Variants in HHAT observed in about 807,000 individuals in gnomAD.
The protein encoded by HHAT is hedgehog acyltransferase.
Under a neutral mutation model 70.8 loss-of-function variants are expected in HHAT, and 47 were observed. The ratio of observed to expected loss-of-function variants is 0.66; its 90% CI spans 0.53 to 0.85. HHAT has a LOEUF of 0.85. HHAT is among the 40% of genes least tolerant of loss of function. The pLI, the probability that HHAT is intolerant of heterozygous loss-of-function variation, is 0.00. For missense variants in HHAT, 609 were observed against 604.8 expected (o/e 1.01, Z -0.07); for synonymous variants, 228 against 247.6 (o/e 0.92, Z 0.74).
intron 9 of HHAT, among the ~76,000 whole-genome samples, chr1:210,523,498 G>A (rs976320240): frequency 6.6e-6 from 1 of 152,178 alleles, no homozygotes; most frequent in African/African-American, 2.4e-5. Flanking sequence ...TGGGGATTGG[G>A]CTAAGTGGAT....
At chr1:210,527,703 C>A (rs11119527) in intron 9 of HHAT, among the ~76,000 whole-genome samples, 9,522 of 152,274 alleles carry the variant, frequency 0.063, 527 homozygotes, top group East Asian at 0.29. Flanking sequence ...CTGCAATTTC[C>A]TTTGAGCACG....
chr1:210,452,330 TG>T (rs1459745531), intron 7 of HHAT, among the ~76,000 whole-genome samples: 2 of 152,196 alleles, frequency 1.3e-5, no homozygotes, highest in Non-Finnish European at 2.9e-5. Flanking sequence ...CAATTGGTAG[TG>T]AGGAGGAAGT....
At chr1:210,475,072 A>G (rs2094283212) in intron 8 of HHAT, among the ~76,000 whole-genome samples, 1 of 151,296 alleles carries the variant, frequency 6.6e-6, no homozygotes, top group South Asian at 2.1e-4. Flanking sequence ...TGCTGCCCAC[A>G]CTGGTCTCGA....
intron 3 of HHAT, among the ~76,000 whole-genome samples, chr1:210,376,536 C>T (rs966250737): frequency 6.6e-6 from 1 of 152,174 alleles, no homozygotes; most frequent in South Asian, 2.1e-4. Flanking sequence ...AAATAGATTT[C>T]TGAAGAAAGA....
intron 1 of HHAT, among the ~76,000 whole-genome samples, chr1:210,334,873 A>G (rs569217659): frequency 6.6e-6 from 1 of 152,246 alleles, no homozygotes; most frequent in South Asian, 2.1e-4. Context: ...CCAATAAAAT[A>G]TATTACCAAA....
intron 11 of HHAT, among the ~76,000 whole-genome samples, chr1:210,670,587 G>A (rs1169064332): frequency 6.6e-6 from 1 of 152,128 alleles, no homozygotes; most frequent in Non-Finnish European, 1.5e-5. Flanking sequence ...ACCTCAGCAT[G>A]TGACTTCATT....
Position 210,471,282 on chromosome 1 carries a change from A to G in HHAT, c.1007+6627A>G, listed in dbSNP as rs538719872. On this transcript the variant is annotated intron_variant, in intron 8 of 11. Coordinates refer to ENST00000261458, the MANE Select transcript of HHAT (RefSeq NM_018194.6). ...AAGTATTAATACGTGACATGCCAACATATCACATCTGCCGCAATTTATTTG... is the reference window on the plus strand; with the variant it reads ...AAGTATTAATACGTGACATGCCAACGTATCACATCTGCCGCAATTTATTTG... Among the ~76,000 whole-genome samples the G allele has an allele frequency of 5.3e-5, 8 of 152,262 alleles. No individual in the cohort carries two copies. The South Asian group carries it at 6.2e-4, about 12-fold the overall frequency.
At chr1:210,545,629 G>A (rs141064527) in intron 9 of HHAT, among the ~76,000 whole-genome samples, 10 of 151,902 alleles carry the variant, frequency 6.6e-5, no homozygotes, top group Admixed American at 6.6e-4. Context: ...TAGAGATGGG[G>A]TTTCACCACA....
chr1:210,488,837 G>A (rs2148506899), intron 8 of HHAT, among the ~76,000 whole-genome samples: 1 of 152,302 alleles, frequency 6.6e-6, no homozygotes, highest in Admixed American at 6.5e-5. Flanking sequence ...AGATCGCAGT[G>A]AGCCAACTGT....
chr1:210,498,126 G>A (rs923785017), intron 8 of HHAT, among the ~76,000 whole-genome samples: 7 of 151,928 alleles, frequency 4.6e-5, no homozygotes, highest in Admixed American at 2.0e-4. Flanking sequence ...GTCCATCCCT[G>A]TACCTGACAG....
intron 1 of HHAT, 163 bp downstream of exon 1, chr1:210,329,267 G>A: frequency 8.3e-7 from 1 of 1,201,200 alleles, no homozygotes; most frequent in Non-Finnish European, 1.0e-6. Context: ...CCGGTCGGGC[G>A]AAGAAGACAA....
intron 10 of HHAT, among the ~76,000 whole-genome samples, chr1:210,593,141 C>A (rs988316694): frequency 1.3e-5 from 2 of 152,066 alleles, no homozygotes; most frequent in Non-Finnish European, 2.9e-5. Flanking sequence ...TTGGAAAAAA[C>A]CAACTTTTCA....
intron 11 of HHAT, among the ~76,000 whole-genome samples, chr1:210,638,548 G>A (rs957000621): frequency 1.3e-5 from 2 of 152,050 alleles, no homozygotes; most frequent in Admixed American, 6.5e-5. Context: ...ATAGCTAATG[G>A]GCATGGGTTT....
At chr1:210,542,487 T>TAAAAAAA (rs760515327) in intron 9 of HHAT, among the ~76,000 whole-genome samples, 1 of 148,754 alleles carries the variant, frequency 6.7e-6, no homozygotes, top group Non-Finnish European at 1.5e-5. Context: ...GTGTTTTAGT[T>TAAAAAAA]AAAAAAAAAA....
At chr1:210,658,275 C>A (rs1166755780) in intron 11 of HHAT, among the ~76,000 whole-genome samples, 1 of 152,166 alleles carries the variant, frequency 6.6e-6, no homozygotes, top group African/African-American at 2.4e-5. Flanking sequence ...CCTTTTCCTC[C>A]CAGCATCTAC....
At chr1:210,365,103 A>T (rs1479815619) in intron 3 of HHAT, among the ~76,000 whole-genome samples, 2 of 152,104 alleles carry the variant, frequency 1.3e-5, no homozygotes, top group African/African-American at 4.8e-5. Flanking sequence ...GGTCCTTAGG[A>T]TCAAGATACT....
intron 7 of HHAT, among the ~76,000 whole-genome samples, chr1:210,452,526 C>T (rs1304827847): frequency 6.6e-6 from 1 of 152,172 alleles, no homozygotes; most frequent in Non-Finnish European, 1.5e-5. Flanking sequence ...GAAGCAAATC[C>T]CAGATATCTT....
chr1:210,545,409 C>T (rs988385398), intron 9 of HHAT, among the ~76,000 whole-genome samples: 2 of 150,422 alleles, frequency 1.3e-5, no homozygotes, highest in Non-Finnish European at 3.0e-5. Flanking sequence ...CTTCACAACT[C>T]AATTTAGTCA....
At chr1:210,415,348 A>G (rs759596560) in intron 6 of HHAT, among the ~76,000 whole-genome samples, 1 of 152,206 alleles carries the variant, frequency 6.6e-6, no homozygotes, top group Non-Finnish European at 1.5e-5. Flanking sequence ...CTCTCAGAGC[A>G]TGCATGCTTG....
Sources: gnomAD v4.1 joint callset for allele counts (sites outside exome capture counted in the v4.1 genomes callset) on GRCh38, gnomAD v4.1.1 for gene constraint, MANE v1.5 for transcripts, NCBI Gene and HGNC (gene_info 2026-07-23, HGNC 2026-07-21) for gene names.